Variants in AGPAT3 observed in about 807,000 individuals in gnomAD.
AGPAT3 encodes the protein 1-acyl-sn-glycerol-3-phosphate acyltransferase gamma.
AGPAT3 carries 5 observed loss-of-function variants against 47.3 expected under a neutral mutation model. That is an observed-to-expected ratio of 0.11 (90% CI 0.06 to 0.22). The LOEUF (loss-of-function observed/expected upper bound fraction) is 0.22, where lower values mean the gene tolerates loss of function less well. AGPAT3 is among the 10% of genes least tolerant of loss of function. The pLI, the probability that AGPAT3 is intolerant of heterozygous loss-of-function variation, is 1.00. For synonymous variants in AGPAT3, 212 were observed against 208.3 expected (o/e 1.02, Z -0.15); for missense variants, 315 against 493.0 (o/e 0.64, Z 3.42).
chr21:43,939,062 G>T lies in AGPAT3; in HGVS notation c.-48-20572G>T, dbSNP rs749615212. 9.8e-5 allele frequency among the ~76,000 whole-genome samples: 15 copies of T among 152,336 alleles called. 1 individual carries two copies. The highest frequency in any genetic ancestry group is 3.4e-3 in the Middle Eastern group (1 of 294). ...ACAGAGCACGCAGGGGCCGCACCAG[G>T]GCTGGGACGGGGCTGCGACCAGGCT... On this transcript the variant is annotated intron_variant, in intron 2 of 9. Transcript: ENST00000291572. The surrounding 1 kb of genome is among the most constrained non-coding windows in gnomAD (Gnocchi z 4.4).
intron 2 of AGPAT3, among the ~76,000 whole-genome samples, chr21:43,904,683 C>T (rs1056357741): frequency 6.6e-6 from 1 of 152,108 alleles, no homozygotes; most frequent in Admixed American, 6.5e-5. Context: ...TCCTGCAGCC[C>T]GTCGTCATAG....
At chr21:43,884,187 C>T (rs563926210) in intron 1 of AGPAT3, among the ~76,000 whole-genome samples, 1 of 152,214 alleles carries the variant, frequency 6.6e-6, no homozygotes, top group African/African-American at 2.4e-5. Context: ...GGAGGCCTGT[C>T]GAAAGTGTAG....
chr21:43,977,918 G>C, intron 7 of AGPAT3, 128 bp from the exon 8 acceptor site: 1 of 623,834 alleles, frequency 1.6e-6, no homozygotes, highest in South Asian at 2.1e-5. Context: ...AAGAAATTGA[G>C]AGTGAGATGT....
rs1180852540 is a variant in AGPAT3 at position 43,922,996 on chromosome 21, CG to C, written c.-49+18981del. Among the ~76,000 whole-genome samples the C allele has an allele frequency of 6.6e-6, 1 of 152,182 alleles. No individual in the cohort carries two copies. Among genetic ancestry groups the C allele is most frequent in the Non-Finnish European group, 1.5e-5 (1 of 68,016 alleles). On this transcript the variant is annotated intron_variant, in intron 2 of 9. Coordinates refer to ENST00000291572, the MANE Select transcript of AGPAT3 (RefSeq NM_020132.5). This position sits in a 1 kb window ranked among gnomAD's most constrained non-coding sequence, Gnocchi z 4.9. ...CTGTTTCTTTCTCCCCATGCTCACA[CG>C]GGGTTTTTAGACTTTGTGAAGGGTG...
intron 1 of AGPAT3, among the ~76,000 whole-genome samples, chr21:43,877,677 C>T (rs1875750507): frequency 6.6e-6 from 1 of 152,110 alleles, no homozygotes; most frequent in Admixed American, 6.5e-5. Flanking sequence ...CTCCCGACCT[C>T]GGGTGATCCG....
intron 1 of AGPAT3, among the ~76,000 whole-genome samples, chr21:43,897,061 T>C (rs550438020): frequency 2.0e-4 from 29 of 148,266 alleles, no homozygotes; most frequent in Middle Eastern, 3.5e-3. Flanking sequence ...CAGATAAACA[T>C]GTGAACAGAG....
intron 2 of AGPAT3, among the ~76,000 whole-genome samples, chr21:43,935,532 G>A (rs539791988): frequency 2.5e-4 from 38 of 152,348 alleles, no homozygotes; most frequent in African/African-American, 7.5e-4. Flanking sequence ...CCTGCAGGGC[G>A]GCCTCTGCAC....
chr21:43,937,129 G>A (rs926687772), intron 2 of AGPAT3, among the ~76,000 whole-genome samples: 21 of 152,232 alleles, frequency 1.4e-4, no homozygotes, highest in African/African-American at 5.1e-4. Context: ...ACTCCTGGGT[G>A]GGGGAACGTT....
At chr21:43,977,473 C>T (rs537114623) in intron 7 of AGPAT3, among the ~76,000 whole-genome samples, 2 of 152,284 alleles carry the variant, frequency 1.3e-5, no homozygotes, top group Admixed American at 6.5e-5. Flanking sequence ...TTAATGCTGC[C>T]GCCACCCTGC....
In AGPAT3 at chr21:43,950,433, C is replaced by T. The variant is rs1272348846; in HGVS notation, c.-48-9201C>T. On this transcript the variant is annotated intron_variant, in intron 2 of 9. Transcript: ENST00000291572. ...GGTGGTCTCTGTAAGTGAATTTACC[C>T]AAGAACTGAAATTTGCCCTTTAAAC... 5.3e-5 allele frequency among the ~76,000 whole-genome samples: 8 copies of T among 152,214 alleles called. No individual in the cohort carries two copies. The East Asian group carries it at 1.5e-3, about 29-fold the overall frequency.
intron 4 of AGPAT3, 33 bp from the exon 5 acceptor site, chr21:43,969,085 A>G (rs1419945129): frequency 1.2e-6 from 2 of 1,611,494 alleles, no homozygotes; most frequent in Non-Finnish European, 1.7e-6. Flanking sequence ...CCGACGCTGA[A>G]GTGCCAGGTG....
At chr21:43,957,690 G>A (rs1423002047) in intron 2 of AGPAT3, among the ~76,000 whole-genome samples, 1 of 150,732 alleles carries the variant, frequency 6.6e-6, no homozygotes, top group African/African-American at 2.4e-5. Flanking sequence ...CTCCACAGGG[G>A]GGTCTCGGGT....
intron 1 of AGPAT3, among the ~76,000 whole-genome samples, chr21:43,897,746 G>T (rs949635452): frequency 5.9e-5 from 9 of 152,208 alleles, no homozygotes; most frequent in African/African-American, 1.2e-4. Flanking sequence ...GGTGGCAGCC[G>T]GGCAGAGGCT....
At chr21:43,978,636 C>G (rs779955091) in intron 8 of AGPAT3, among the ~76,000 whole-genome samples, 3 of 152,194 alleles carry the variant, frequency 2.0e-5, no homozygotes, top group Non-Finnish European at 4.4e-5. Context: ...GAGAAATTAA[C>G]AAACTACAGA....
rs1216434096 is a variant in AGPAT3 at position 43,920,628 on chromosome 21, C to T, written c.-49+16609C>T. Among the ~76,000 whole-genome samples the T allele has an allele frequency of 2.6e-5, 4 of 152,032 alleles. No homozygotes were observed. Among genetic ancestry groups the T allele is most frequent in the Non-Finnish European group, 4.4e-5 (3 of 68,030 alleles). Reference sequence around the variant, plus strand: ...AGAGGTGGAGTGGATCACCAGTGGCCGGTGTTCTGCTCGATCGTGCCTGTG... The same window carrying T: ...AGAGGTGGAGTGGATCACCAGTGGCTGGTGTTCTGCTCGATCGTGCCTGTG... On this transcript the variant is annotated intron_variant, in intron 2 of 9. Coordinates refer to ENST00000291572, the MANE Select transcript of AGPAT3 (RefSeq NM_020132.5). This position sits in a 1 kb window ranked among gnomAD's most constrained non-coding sequence, Gnocchi z 6.1.
chr21:43,868,129 C>T (rs1389510616), intron 1 of AGPAT3, among the ~76,000 whole-genome samples: 1 of 152,152 alleles, frequency 6.6e-6, no homozygotes, highest in Non-Finnish European at 1.5e-5. Flanking sequence ...AGTCTCATAA[C>T]CTTGGGGCAG....
At chr21:43,964,294 A>C (rs1465710244) in intron 3 of AGPAT3, among the ~76,000 whole-genome samples, 1 of 152,126 alleles carries the variant, frequency 6.6e-6, no homozygotes, top group Non-Finnish European at 1.5e-5. Flanking sequence ...CAGAGGCAGG[A>C]GAATCGCTTG....
intron 2 of AGPAT3, among the ~76,000 whole-genome samples, chr21:43,913,459 G>A (rs900413142): frequency 2.0e-5 from 3 of 152,086 alleles, no homozygotes; most frequent in Non-Finnish European, 4.4e-5. Flanking sequence ...GGTGGTGCAC[G>A]CCTCTAGTAC....
In AGPAT3 at chr21:43,969,396, G is replaced by T; in HGVS notation, c.510+117G>T. Reference sequence around the variant, plus strand: ...CCCCATGAGAGCCTCTGCACATGGGGTGCTGTTTCCATGGGGCCATGACTC... The same window carrying T: ...CCCCATGAGAGCCTCTGCACATGGGTTGCTGTTTCCATGGGGCCATGACTC... On this transcript the variant is annotated intron_variant, in intron 5 of 9. Coordinates refer to ENST00000291572, the MANE Select transcript of AGPAT3 (RefSeq NM_020132.5). 2.2e-6 allele frequency: 3 copies of T among 1,353,078 alleles called. No individual in the cohort carries two copies. The African/African-American group carries it at 4.3e-5, about 20-fold the overall frequency. 83.8% of individuals were successfully genotyped at this position (1,353,078 alleles called of 1,614,324 possible).
Sources: gnomAD v4.1 joint callset for allele counts (sites outside exome capture counted in the v4.1 genomes callset) on GRCh38, gnomAD v4.1.1 for gene constraint, Gnocchi (gnomAD v3.1) non-coding constraint, MANE v1.5 for transcripts, NCBI Gene and HGNC (gene_info 2026-07-23, HGNC 2026-07-21) for gene names.